The following ADAMTS6 variants were observed in gnomAD, a reference collection of about 807,000 sequenced individuals.
ADAMTS6 encodes the protein ADAM metallopeptidase with thrombospondin type 1 motif 6.
ADAMTS6 carries 23 observed loss-of-function variants against 144.3 expected under a neutral mutation model. That is an observed-to-expected ratio of 0.16 (90% confidence interval 0.11 to 0.23). The LOEUF is 0.23. Ranked by LOEUF, ADAMTS6 falls within the 10% of genes least tolerant of loss-of-function variation. ADAMTS6 has a pLI of 1.00. For missense variants in ADAMTS6, 999 were observed against 1,379.6 expected, an observed-to-expected ratio of 0.72 and a Z score of 4.37; for synonymous variants, 444 against 457.5, an observed-to-expected ratio of 0.97 and a Z score of 0.38.
intron 12 of ADAMTS6, among the ~76,000 whole-genome samples, chr5:65,270,290 A>C (rs1237561765): frequency 6.6e-6 from 1 of 152,232 alleles, no homozygotes; most frequent in Non-Finnish European, 1.5e-5. Flanking sequence ...TACTTTCCAA[A>C]TATTATAGCC....
chr5:65,413,098 A>T (rs886645095), intron 7 of ADAMTS6, among the ~76,000 whole-genome samples: 1 of 152,282 alleles, frequency 6.6e-6, no homozygotes, highest in African/African-American at 2.4e-5. Flanking sequence ...TGTCTTTTTG[A>T]TCAATTTCTA....
intron 20 of ADAMTS6, among the ~76,000 whole-genome samples, chr5:65,207,217 T>C (rs1473877782): frequency 6.6e-6 from 1 of 152,092 alleles, no homozygotes; most frequent in Non-Finnish European, 1.5e-5. Context: ...TTTTGTGTAT[T>C]AGCAGAAACT....
At chr5:65,292,838 G>A (rs1385057367) in intron 10 of ADAMTS6, among the ~76,000 whole-genome samples, 1 of 151,768 alleles carries the variant, frequency 6.6e-6, no homozygotes, top group Non-Finnish European at 1.5e-5. Context: ...ACTGCTCAAG[G>A]TATCTAACTA....
chr5:65,445,302 T>A (rs1016383120), intron 7 of ADAMTS6, among the ~76,000 whole-genome samples: 2 of 152,202 alleles, frequency 1.3e-5, no homozygotes, highest in Non-Finnish European at 2.9e-5. Context: ...TTTTCAGACA[T>A]AACTGTCAAT....
chr5:65,186,600 G>T (rs1265749392), intron 22 of ADAMTS6, among the ~76,000 whole-genome samples: 5 of 152,134 alleles, frequency 3.3e-5, no homozygotes, highest in African/African-American at 1.2e-4. Flanking sequence ...GTACAACTCT[G>T]CAGAATGTCT....
At chr5:65,475,364 A>G (rs1426293226) in intron 1 of ADAMTS6, among the ~76,000 whole-genome samples, 2 of 152,210 alleles carry the variant, frequency 1.3e-5, no homozygotes, top group Non-Finnish European at 2.9e-5. Flanking sequence ...ATCAACAAAT[A>G]TTGTCCTACT....
At chr5:65,440,273 T>A (rs1757766208) in intron 7 of ADAMTS6, among the ~76,000 whole-genome samples, 1 of 152,214 alleles carries the variant, frequency 6.6e-6, no homozygotes, top group Non-Finnish European at 1.5e-5. Flanking sequence ...TCCTGCTTTC[T>A]CATACAATGT....
chr5:65,276,349 T>C (rs1762539594), intron 11 of ADAMTS6, among the ~76,000 whole-genome samples: 2 of 152,210 alleles, frequency 1.3e-5, no homozygotes, highest in African/African-American at 2.4e-5. Context: ...TGGAATTCTA[T>C]GTTGAGGAAC....
At chr5:65,289,074 T>C (rs778976846) in intron 11 of ADAMTS6, among the ~76,000 whole-genome samples, 6 of 152,206 alleles carry the variant, frequency 3.9e-5, no homozygotes, top group Non-Finnish European at 8.8e-5. Context: ...TTTCATATAG[T>C]ATATGAATCT....
At chr5:65,416,651 G>C (rs1755545317) in intron 7 of ADAMTS6, among the ~76,000 whole-genome samples, 2 of 151,182 alleles carry the variant, frequency 1.3e-5, no homozygotes, top group South Asian at 2.1e-4. Flanking sequence ...TGTGGCAAGA[G>C]AATCACTTGA....
intron 7 of ADAMTS6, among the ~76,000 whole-genome samples, chr5:65,352,401 AGTAATG>A (rs1234823455): frequency 6.6e-6 from 1 of 152,174 alleles, no homozygotes; most frequent in Non-Finnish European, 1.5e-5. Flanking sequence ...AATTTCCAGA[AGTAATG>A]GTTTAAAAAA....
At chr5:65,423,626 T>C (rs1230585313) in intron 7 of ADAMTS6, among the ~76,000 whole-genome samples, 2 of 152,088 alleles carry the variant, frequency 1.3e-5, no homozygotes, top group African/African-American at 2.4e-5. Context: ...TAAGATAAAA[T>C]ATTTTCTTCT....
intron 7 of ADAMTS6, among the ~76,000 whole-genome samples, chr5:65,403,305 T>A (rs756711901): frequency 1.3e-5 from 2 of 152,146 alleles, no homozygotes; most frequent in African/African-American, 2.4e-5. Flanking sequence ...TTTCTGAACA[T>A]ACATTTACTT....
At chr5:65,390,238 C>A (rs759813213) in intron 7 of ADAMTS6, among the ~76,000 whole-genome samples, 2 of 152,154 alleles carry the variant, frequency 1.3e-5, no homozygotes, top group Non-Finnish European at 2.9e-5. Flanking sequence ...GGTGTTGTGA[C>A]TTGCTTACTC....
chr5:65,259,367 G>A (rs1760965058), intron 14 of ADAMTS6, among the ~76,000 whole-genome samples: 1 of 145,228 alleles, frequency 6.9e-6, no homozygotes, highest in East Asian at 2.0e-4. Context: ...AACAGAACAA[G>A]GCTCTGTCTC....
At chr5:65,160,224 A>G (rs949391814) in intron 24 of ADAMTS6, among the ~76,000 whole-genome samples, 1 of 152,058 alleles carries the variant, frequency 6.6e-6, no homozygotes, top group Non-Finnish European at 1.5e-5. Context: ...AGTCATGGGA[A>G]TCTGACTGTG....
At chr5:65,379,778 C>G (rs1025544669) in intron 7 of ADAMTS6, among the ~76,000 whole-genome samples, 1 of 152,000 alleles carries the variant, frequency 6.6e-6, no homozygotes, top group Non-Finnish European at 1.5e-5. Flanking sequence ...CACACGCACA[C>G]ACATGTAAAT....
intron 7 of ADAMTS6, among the ~76,000 whole-genome samples, chr5:65,377,875 C>A (rs984935386): frequency 6.6e-6 from 1 of 152,182 alleles, no homozygotes; most frequent in African/African-American, 2.4e-5. Flanking sequence ...CTCTCTGAAA[C>A]CTGTAAGGGA....
At chr5:65,410,063 C>A (rs889931634) in intron 7 of ADAMTS6, among the ~76,000 whole-genome samples, 5 of 152,130 alleles carry the variant, frequency 3.3e-5, no homozygotes, top group African/African-American at 1.2e-4. Context: ...TCATCATATT[C>A]TTTCCTAAAA....
Sources: allele counts gnomAD v4.1 joint callset (sites outside exome capture counted in the v4.1 genomes callset), GRCh38; gene constraint gnomAD v4.1.1; transcripts MANE v1.5; gene names NCBI Gene and HGNC (gene_info 2026-07-23, HGNC 2026-07-21).